PLCB4: variants seen among roughly 807,000 people sequenced by gnomAD.
PLCB4 encodes the protein 1-phosphatidylinositol 4,5-bisphosphate phosphodiesterase beta-4.
PLCB4 carries 77 observed loss-of-function variants against 178.8 expected under a neutral mutation model. That is an observed-to-expected ratio of 0.43 (90% CI 0.36 to 0.52). The LOEUF is 0.52. Ranked by LOEUF, PLCB4 falls within the 20% of genes least tolerant of loss-of-function variation. PLCB4 has a pLI of 0.00. For synonymous variants in PLCB4, 496 were observed against 490.8 expected (o/e 1.01, Z -0.14); for missense variants, 1,024 against 1,453.4 (o/e 0.70, Z 4.80).
At chr20:9,149,314 C>T (rs2092651624) in intron 2 of PLCB4, among the ~76,000 whole-genome samples, 1 of 152,144 alleles carries the variant, frequency 6.6e-6, no homozygotes, top group Non-Finnish European at 1.5e-5. Flanking sequence ...TCCATTATCC[C>T]ACCTGTTAGG....
Position 9,362,663 on chromosome 20 carries a change from C to T in PLCB4, c.370-233C>T, listed in dbSNP as rs2035444365. The stretch of plus-strand genomic sequence containing the variant: ...TGGGCAACATTCCTTTGTGGCAGCC[C>T]AGAGTTTAATGGCACAATAGATGGC... On this transcript the variant is annotated intron_variant, in intron 7 of 39. Coordinates refer to ENST00000378473, the MANE Select transcript of PLCB4 (RefSeq NM_001377142.1). Among the ~76,000 whole-genome samples the T allele has an allele frequency of 3.9e-5, 6 of 152,070 alleles. No individual in the cohort carries two copies. In the South Asian group the frequency reaches 1.2e-3, roughly 32 times the overall value.
chr20:9,284,579 T>C (rs1396133498), intron 3 of PLCB4, among the ~76,000 whole-genome samples: 1 of 151,914 alleles, frequency 6.6e-6, no homozygotes, highest in Admixed American at 6.6e-5. Context: ...AAATGTATGA[T>C]CTTTTTCGTC....
chr20:9,228,349 G>C (rs1199488484), intron 3 of PLCB4, among the ~76,000 whole-genome samples: 3 of 152,070 alleles, frequency 2.0e-5, no homozygotes, highest in Admixed American at 2.0e-4. Flanking sequence ...GATTTTCCTG[G>C]GATAAGTCAC....
chr20:9,105,665 G>A (rs1403031218), intron 2 of PLCB4, among the ~76,000 whole-genome samples: 2 of 152,040 alleles, frequency 1.3e-5, no homozygotes, highest in African/African-American at 4.8e-5. Flanking sequence ...CACATGTATG[G>A]TAATTTAGTA....
At chr20:9,423,612 A>C in intron 27 of PLCB4, 136 bp from the exon 28 acceptor site, 1 of 669,352 alleles carries the variant, frequency 1.5e-6, no homozygotes, top group East Asian at 2.7e-5. Flanking sequence ...ATTTTGGGGA[A>C]TGCAGATGGA....
intron 2 of PLCB4, among the ~76,000 whole-genome samples, chr20:9,122,677 C>T (rs1304935814): frequency 6.6e-6 from 1 of 152,054 alleles, no homozygotes; most frequent in Non-Finnish European, 1.5e-5. Context: ...AAAAATCACG[C>T]GCATGTAAAG....
chr20:9,274,921 T>A (rs1022508), intron 3 of PLCB4, among the ~76,000 whole-genome samples: 4,331 of 152,162 alleles, frequency 0.028, 219 homozygotes, highest in African/African-American at 0.098. Flanking sequence ...TAATTGTCAT[T>A]CAAGTGTAAG....
chr20:9,295,045 T>C (rs1203403240), intron 3 of PLCB4, among the ~76,000 whole-genome samples: 1 of 152,146 alleles, frequency 6.6e-6, no homozygotes, highest in Non-Finnish European at 1.5e-5. Flanking sequence ...CCAGGACTTT[T>C]TAAAGACTAG....
intron 2 of PLCB4, among the ~76,000 whole-genome samples, chr20:9,213,861 G>A (rs1167255601): frequency 3.3e-5 from 5 of 152,186 alleles, no homozygotes; most frequent in African/African-American, 1.2e-4. Context: ...TAGTGGCTAT[G>A]AAGCAGTATC....
chr20:9,271,857 G>A (rs6118554), intron 3 of PLCB4, among the ~76,000 whole-genome samples: 14,300 of 151,978 alleles, frequency 0.094, 1,743 homozygotes, highest in African/African-American at 0.28. Context: ...GGATTTTAGA[G>A]GGATGTGATT....
chr20:9,315,215 G>A lies in PLCB4; in HGVS notation c.84+7317G>A, dbSNP rs563070152. On this transcript the variant is annotated intron_variant, in intron 4 of 39. Transcript: ENST00000378473. ...CTTTCACACACTCTGTATATTGTAT[G>A]TGAATTATCATATTGGAATCATTAG... Among the ~76,000 whole-genome samples the A allele has an allele frequency of 3.9e-5, 6 of 152,290 alleles. No homozygotes were observed. In the South Asian group the frequency reaches 8.3e-4, roughly 21 times the overall value.
In PLCB4 at chr20:9,189,975, C is replaced by A. The variant is rs556250790; in HGVS notation, c.-78-27415C>A. Among the ~76,000 whole-genome samples the A allele has an allele frequency of 1.3e-3, 201 of 152,302 alleles. 1 individual carries two copies. The highest frequency in any genetic ancestry group is 4.5e-3 in the African/African-American group (189 of 41,568). On this transcript the variant is annotated intron_variant, in intron 2 of 39. Coordinates refer to ENST00000378473, the MANE Select transcript of PLCB4 (RefSeq NM_001377142.1). ...CATAGAGCACACCTTCTCCCCCACC[C>A]CCGAGGTGTGACAACTAACAGTGTC...
intron 3 of PLCB4, among the ~76,000 whole-genome samples, chr20:9,261,729 A>G (rs763089083): frequency 2.0e-5 from 3 of 152,190 alleles, no homozygotes; most frequent in Admixed American, 6.5e-5. Context: ...CTAAGCTGTT[A>G]ATGTTAGGTG....
At chr20:9,273,742 A>T (rs147729687) in intron 3 of PLCB4, among the ~76,000 whole-genome samples, 4 of 151,380 alleles carry the variant, frequency 2.6e-5, no homozygotes, top group African/African-American at 9.7e-5. Flanking sequence ...GATGATACAG[A>T]TGCTCGAGCC....
chr20:9,310,770 G>A (rs1394303294), intron 4 of PLCB4, among the ~76,000 whole-genome samples: 1 of 151,980 alleles, frequency 6.6e-6, no homozygotes, highest in East Asian at 1.9e-4. Context: ...CAGTAGGTGG[G>A]GGAAAAATGT....
chr20:9,276,298 G>C (rs1280821291), intron 3 of PLCB4, among the ~76,000 whole-genome samples: 1 of 152,064 alleles, frequency 6.6e-6, no homozygotes, highest in Non-Finnish European at 1.5e-5. Context: ...AAATCACCAA[G>C]AGGAAGGGAT....
chr20:9,462,673 G>A (rs2043480795), intron 35 of PLCB4, among the ~76,000 whole-genome samples: 1 of 152,178 alleles, frequency 6.6e-6, no homozygotes, highest in Non-Finnish European at 1.5e-5. Flanking sequence ...ATCAGTGATT[G>A]AAGATCAAAT....
chr20:9,383,922 C>T (rs181834373), intron 13 of PLCB4, among the ~76,000 whole-genome samples: 181 of 152,254 alleles, frequency 1.2e-3, no homozygotes, highest in African/African-American at 4.2e-3. Context: ...CCCTGGTCAC[C>T]ATAACTCCCA....
At position 9,072,169 on chromosome 20, in the gene PLCB4, G is replaced by T. The variant is rs58854834; in HGVS notation, c.-135+2963G>T. Among the ~76,000 whole-genome samples the T allele has an allele frequency of 7.0e-3, 1,073 of 152,296 alleles. 11 individuals are homozygous for T. The highest frequency in any genetic ancestry group is 0.024 in the African/African-American group (1,009 of 41,550). On this transcript the variant is annotated intron_variant, in intron 1 of 39. Transcript: ENST00000378473. ...TTCATCGCTGGTGGGAGGCAGCAGT[G>T]ACTTTCTGTGGTTTTGCTGTTGGTT...
Sources: gnomAD v4.1 joint callset for allele counts (sites outside exome capture counted in the v4.1 genomes callset) on GRCh38, gnomAD v4.1.1 for gene constraint, MANE v1.5 for transcripts, NCBI Gene and HGNC (gene_info 2026-07-23, HGNC 2026-07-21) for gene names.